KYNU: variants seen among roughly 807,000 people sequenced by gnomAD.
KYNU encodes L-kynurenine hydrolase.
In KYNU, 54 loss-of-function variants were observed where a neutral mutation model predicts 59.2. That is an observed-to-expected ratio of 0.91 (90% CI 0.73 to 1.14). KYNU has a LOEUF of 1.14. KYNU is among the 50% of genes most tolerant of loss of function. The pLI is 0.00. For synonymous variants in KYNU, 177 were observed against 192.0 expected (o/e 0.92, Z 0.65); for missense variants, 567 against 554.4 (o/e 1.02, Z -0.23).
intron 10 of KYNU, among the ~76,000 whole-genome samples, chr2:142,996,255 AT>A (rs1401481617): frequency 6.6e-6 from 1 of 152,118 alleles, no homozygotes; most frequent in Non-Finnish European, 1.5e-5. Context: ...TGGAAGAAAC[AT>A]TTTGGCTGAT....
chr2:142,902,604 G>T (rs902675346), intron 2 of KYNU, among the ~76,000 whole-genome samples: 4 of 151,986 alleles, frequency 2.6e-5, no homozygotes, highest in African/African-American at 9.7e-5. Flanking sequence ...TGGTGCCTTT[G>T]GATAATTTTA....
chr2:142,979,399 CTGTGTGAGA>C (rs1340202507), intron 8 of KYNU, among the ~76,000 whole-genome samples: 4 of 151,944 alleles, frequency 2.6e-5, no homozygotes, highest in Non-Finnish European at 4.4e-5. Context: ...TGGGTTCATA[CTGTGTGAGA>C]GAAGACAGTA....
Position 143,033,218 on chromosome 2 carries a change from A to G in KYNU, c.956-18A>G. The G allele has an allele frequency of 2.0e-6, 3 of 1,534,334 alleles. No individual in the cohort carries two copies. Among genetic ancestry groups the G allele is most frequent in the Non-Finnish European group, 1.8e-6 (2 of 1,107,244 alleles). ...TAAAGTTACCTTCTATGATAATGAC[A>G]TGATATTAATTTCTCAGAACTGCAG... On this transcript the variant is annotated intron_variant, in intron 11 of 13. Transcript: ENST00000264170.
intron 8 of KYNU, among the ~76,000 whole-genome samples, chr2:142,972,141 G>A (rs746182396): frequency 2.0e-5 from 3 of 152,130 alleles, no homozygotes; most frequent in Non-Finnish European, 2.9e-5. Flanking sequence ...ACTTTTGACA[G>A]TAAGTAAAGA....
intron 10 of KYNU, among the ~76,000 whole-genome samples, chr2:143,008,061 T>C (rs1241819901): frequency 3.2e-5 from 4 of 123,942 alleles, no homozygotes; most frequent in South Asian, 2.9e-4. Context: ...ATAACAATAT[T>C]AACTTTAAAT....
intron 10 of KYNU, among the ~76,000 whole-genome samples, chr2:142,994,028 T>G: frequency 6.6e-6 from 1 of 152,176 alleles, no homozygotes; most frequent in South Asian, 2.1e-4. Flanking sequence ...CTTCAGCTCT[T>G]GTTTTAATTA....
chr2:142,980,263 TA>T, intron 8 of KYNU, among the ~76,000 whole-genome samples: 1 of 151,008 alleles, frequency 6.6e-6, no homozygotes, highest in East Asian at 1.9e-4. Context: ...AATTAGCTTA[TA>T]ATGAGCAGTG....
At chr2:142,934,079 A>G (rs749930314) in intron 4 of KYNU, among the ~76,000 whole-genome samples, 2 of 152,172 alleles carry the variant, frequency 1.3e-5, no homozygotes, top group African/African-American at 4.8e-5. Context: ...ATTAAGCGAT[A>G]AGTTTCATCT....
At chr2:142,936,660 G>A (rs1224942086) in intron 4 of KYNU, among the ~76,000 whole-genome samples, 1 of 152,174 alleles carries the variant, frequency 6.6e-6, no homozygotes, top group South Asian at 2.1e-4. Flanking sequence ...TTGGACCAAC[G>A]CTGGATTTTT....
chr2:142,986,354 C>T lies in KYNU; in HGVS notation c.902+333C>T, dbSNP rs1047223988. ...ACTTTAGAAAATTTCAGATTCCTCA[C>T]GTTGATGAATAAATCAAAGGCAACC... is the stretch of plus-strand genomic sequence containing the variant. On this transcript the variant is annotated intron_variant, in intron 10 of 13. Transcript: ENST00000264170. Among the ~76,000 whole-genome samples the T allele has an allele frequency of 4.6e-5, 7 of 151,820 alleles. No individual in the cohort carries two copies. In the East Asian group the frequency reaches 5.9e-4, roughly 13 times the overall value.
chr2:142,962,010 CTGCTT>C (rs1558946537), intron 8 of KYNU, among the ~76,000 whole-genome samples: 1 of 152,218 alleles, frequency 6.6e-6, no homozygotes, highest in Non-Finnish European at 1.5e-5. Context: ...CGACTTCCAA[CTGCTT>C]TGACGGATAA....
chr2:142,964,696 T>C (rs1684473376), intron 8 of KYNU: 1 of 152,184 alleles, frequency 6.6e-6, no homozygotes, highest in Non-Finnish European at 1.5e-5. Context: ...AATACAAGAT[T>C]TCAAGTGGTC....
intron 7 of KYNU, among the ~76,000 whole-genome samples, chr2:142,960,068 A>G (rs1684292430): frequency 2.6e-5 from 4 of 152,128 alleles, no homozygotes; most frequent in Admixed American, 2.6e-4. Flanking sequence ...TGTATTTTTA[A>G]TAAAGACTGA....
intron 10 of KYNU, among the ~76,000 whole-genome samples, chr2:142,992,763 G>C (rs1397709951): frequency 6.6e-6 from 1 of 151,960 alleles, no homozygotes; most frequent in African/African-American, 2.4e-5. Flanking sequence ...GTTTATTAAA[G>C]AGACATGAAC....
At chr2:142,900,628 C>T (rs1017423928) in intron 2 of KYNU, among the ~76,000 whole-genome samples, 7 of 152,202 alleles carry the variant, frequency 4.6e-5, no homozygotes, top group Admixed American at 1.3e-4. Context: ...GTCACCTTCC[C>T]AGCTAGGCTT....
chr2:142,941,997 C>T (rs1301526771), intron 4 of KYNU, among the ~76,000 whole-genome samples: 4 of 151,758 alleles, frequency 2.6e-5, no homozygotes, highest in Non-Finnish European at 5.9e-5. Flanking sequence ...GGTGAAACTC[C>T]GCCTCTGCAA....
chr2:142,884,670 T>C (rs1231771550), intron 1 of KYNU, among the ~76,000 whole-genome samples: 1 of 150,872 alleles, frequency 6.6e-6, no homozygotes, highest in East Asian at 2.0e-4. Context: ...AAGTTACTAT[T>C]ATTTTGTTTC....
rs369225272 is a variant in KYNU at position 142,957,716 on chromosome 2, G to A, written c.582+1G>A. 4 of 1,573,764 alleles carry A rather than the reference G, an allele frequency of 2.5e-6. No homozygotes were observed. The highest frequency in any genetic ancestry group is 1.4e-5 in the African/African-American group (1 of 74,028). On this transcript the variant is annotated splice_donor_variant, in intron 7 of 13. Coordinates refer to ENST00000264170, the MANE Select transcript of KYNU (RefSeq NM_003937.3). LOFTEE classifies it high-confidence loss of function. The stretch of plus-strand genomic sequence containing the variant: ...TATGCGGATGATAAAGCCAAGAGAG[G>A]TATATGAGAAAGAAAGAAATATTTG...
Position 143,040,599 on chromosome 2 carries a change from A to G in KYNU, c.1213A>G (p.Ile405Val). The change falls in exon 13 of 14, where the codon ATA becomes GTA. Residue 405 changes from isoleucine to valine, a missense_variant. Transcript: ENST00000264170. The stretch of plus-strand genomic sequence containing the variant: ...AGAGGAGCGGGGGTGCCAGCTAACA[A>G]TAACATTTTCTGTTCCAAACAAAGA... ...HVEERGCQLT[I>V]TFSVPNKDVF... is the part of the protein sequence containing the mutation. 6 of 1,612,208 alleles carry G rather than the reference A, an allele frequency of 3.7e-6. No individual in the cohort carries two copies. The highest frequency in any genetic ancestry group is 2.2e-5 in the East Asian group (1 of 44,844).
Sources: allele counts gnomAD v4.1 joint callset (sites outside exome capture counted in the v4.1 genomes callset), GRCh38; gene constraint gnomAD v4.1.1; transcripts MANE v1.5; gene names NCBI Gene and HGNC (gene_info 2026-07-23, HGNC 2026-07-21).